The following CTNNA3 variants were observed in gnomAD, a reference collection of about 807,000 sequenced individuals.
CTNNA3 encodes the protein catenin alpha 3.
Under a neutral mutation model 95.7 loss-of-function variants are expected in CTNNA3, and 76 were observed. The observed-to-expected ratio is 0.79, with a 90% CI of 0.66 to 0.96. The LOEUF is 0.96. CTNNA3 is among the 40% of genes least tolerant of loss of function. The pLI is 0.00. For synonymous variants in CTNNA3, 431 were observed against 374.4 expected (o/e 1.15, Z -1.74); for missense variants, 1,191 against 1,089.8 (o/e 1.09, Z -1.31).
Position 67,742,829 on chromosome 10 carries a change from G to A in CTNNA3, c.-2+20605C>T, listed in dbSNP as rs1017019424. Among the ~76,000 whole-genome samples the A allele has an allele frequency of 7.3e-5, 11 of 150,944 alleles. 1 individual carries two copies. The highest frequency in any genetic ancestry group is 3.3e-3 in the Middle Eastern group (1 of 306). On this transcript the variant is annotated intron_variant, in intron 1 of 17. Coordinates refer to the CTNNA3 transcript ENST00000684154. ...AAATGATAAAGGGGATATCACCACC[G>A]ATCCCACAGAAATACAAACTACCAT...
intron 7 of CTNNA3, among the ~76,000 whole-genome samples, chr10:66,969,383 G>C (rs1849601876): frequency 6.6e-6 from 1 of 152,046 alleles, no homozygotes; most frequent in African/African-American, 2.4e-5. Flanking sequence ...TCCATAAAAT[G>C]AATGTGCAAT....
chr10:66,599,774 AG>A (rs1028034917), intron 10 of CTNNA3, among the ~76,000 whole-genome samples: 15 of 151,892 alleles, frequency 9.9e-5, no homozygotes, highest in Admixed American at 2.0e-4. Context: ...ACACCATGCC[AG>A]TCCACATATT....
chr10:67,430,671 G>C (rs1270889881), intron 5 of CTNNA3, among the ~76,000 whole-genome samples: 1 of 151,804 alleles, frequency 6.6e-6, no homozygotes, highest in Non-Finnish European at 1.5e-5. Flanking sequence ...GTATGTGCTA[G>C]ACATATCAAG....
At chr10:66,413,365 G>T (rs2093123110) in intron 11 of CTNNA3, among the ~76,000 whole-genome samples, 1 of 141,436 alleles carries the variant, frequency 7.1e-6, no homozygotes, top group South Asian at 2.5e-4. Context: ...AGTTTAAAAA[G>T]CCCTGCACTA....
intron 9 of CTNNA3, among the ~76,000 whole-genome samples, chr10:66,629,669 A>G (rs1319597577): frequency 2.0e-5 from 3 of 151,836 alleles, no homozygotes; most frequent in Non-Finnish European, 4.4e-5. Flanking sequence ...CCCCATCCCT[A>G]CTACGTCTTG....
chr10:66,798,117 C>T (rs1428502406), intron 7 of CTNNA3, among the ~76,000 whole-genome samples: 2 of 151,780 alleles, frequency 1.3e-5, no homozygotes, highest in Admixed American at 6.6e-5. Context: ...TTGCTCAAGT[C>T]TCCATGAATT....
chr10:67,671,670 C>T (rs1301002778), intron 1 of CTNNA3, among the ~76,000 whole-genome samples: 3 of 151,770 alleles, frequency 2.0e-5, no homozygotes, highest in African/African-American at 7.3e-5. Flanking sequence ...TCATCCATGT[C>T]CCTACAAAGG....
intron 13 of CTNNA3, among the ~76,000 whole-genome samples, chr10:66,113,667 A>G (rs1264260691): frequency 6.6e-6 from 1 of 152,190 alleles, no homozygotes; most frequent in Non-Finnish European, 1.5e-5. Context: ...GAATTTTATG[A>G]TAGGTTTAGC....
chr10:67,517,655 T>C (rs1027097311), intron 5 of CTNNA3, among the ~76,000 whole-genome samples: 1 of 152,182 alleles, frequency 6.6e-6, no homozygotes, highest in Non-Finnish European at 1.5e-5. Flanking sequence ...ACACTGAACC[T>C]ACTTCCCCCA....
intron 7 of CTNNA3, among the ~76,000 whole-genome samples, chr10:66,981,693 C>T (rs1850451257): frequency 6.6e-6 from 1 of 152,216 alleles, no homozygotes; most frequent in South Asian, 2.1e-4. Context: ...TGCAAGACAT[C>T]AAATGGATGG....
chr10:66,061,217 T>A (rs1226889233), intron 15 of CTNNA3, among the ~76,000 whole-genome samples: 3 of 152,228 alleles, frequency 2.0e-5, no homozygotes, highest in East Asian at 3.9e-4. Flanking sequence ...CAGAGATGCC[T>A]TGCTGCATTT....
chr10:66,516,958 C>T (rs1408898122), intron 11 of CTNNA3, among the ~76,000 whole-genome samples: 2 of 152,146 alleles, frequency 1.3e-5, no homozygotes, highest in African/African-American at 4.8e-5. Context: ...CAAGGTGGCT[C>T]ACACCTATAA....
At chr10:67,418,067 T>A (rs750286602) in intron 5 of CTNNA3, among the ~76,000 whole-genome samples, 1 of 152,168 alleles carries the variant, frequency 6.6e-6, no homozygotes, top group African/African-American at 2.4e-5. Context: ...ACAACATGGA[T>A]AAACCTTAGA....
intron 7 of CTNNA3, among the ~76,000 whole-genome samples, chr10:66,911,478 A>T (rs545577346): frequency 1.3e-5 from 2 of 152,334 alleles, no homozygotes; most frequent in South Asian, 4.1e-4. Context: ...AGTTAAATCT[A>T]TATGAGGTTA....
rs182201076 is a variant in CTNNA3 at position 66,872,531 on chromosome 10, T to C, written c.1048-97007A>G. 6.8e-4 allele frequency among the ~76,000 whole-genome samples: 103 copies of C among 152,114 alleles called. 1 individual carries two copies. In the East Asian group the frequency reaches 0.017, roughly 25 times the overall value. ...TAAAAATACAAAAATTAGCTGGGCA[T>C]GGTGGCGGGTGCCTGTAATCCCAGC... On this transcript the variant is annotated intron_variant, in intron 7 of 17. Transcript: ENST00000433211.
At chr10:66,808,649 G>A (rs1438821557) in intron 7 of CTNNA3, among the ~76,000 whole-genome samples, 2 of 152,086 alleles carry the variant, frequency 1.3e-5, no homozygotes, top group South Asian at 2.1e-4. Flanking sequence ...ATGATATCTC[G>A]TGCCATTCTG....
intron 5 of CTNNA3, among the ~76,000 whole-genome samples, chr10:67,269,285 T>G (rs1352656217): frequency 6.6e-6 from 1 of 152,134 alleles, no homozygotes; most frequent in East Asian, 1.9e-4. Flanking sequence ...AGTCCAGAAA[T>G]GTATATGAGA....
intron 13 of CTNNA3, among the ~76,000 whole-genome samples, chr10:66,266,699 TAGATG>T (rs1199671292): frequency 3.9e-5 from 6 of 152,036 alleles, no homozygotes; most frequent in Non-Finnish European, 8.8e-5. Flanking sequence ...TCTGAGATTT[TAGATG>T]GTTAGAAATA....
rs1387860713 is a variant in CTNNA3, at chr10:66,337,108, C to T, written c.1732+42044G>A. Among the ~76,000 whole-genome samples, 2 of 151,988 alleles carry T rather than the reference C, an allele frequency of 1.3e-5. 1 individual carries two copies. The highest frequency in any genetic ancestry group is 2.9e-5 in the Non-Finnish European group (2 of 67,942). On this transcript the variant is annotated intron_variant, in intron 12 of 17. Transcript: ENST00000433211. ...TGTTTCTAAACATATATTTATTTTT[C>T]ATAAAAATATTGTTTATGTTAACTT... is the stretch of plus-strand genomic sequence containing the variant.
Sources: allele counts gnomAD v4.1 joint callset (sites outside exome capture counted in the v4.1 genomes callset), GRCh38; gene constraint gnomAD v4.1.1; transcripts MANE v1.5; gene names NCBI Gene and HGNC (gene_info 2026-07-23, HGNC 2026-07-21).